The following GRID2 variants were observed in gnomAD, a reference collection of about 807,000 sequenced individuals.
GRID2 encodes the protein glutamate ionotropic receptor delta type subunit 2.
Under a neutral mutation model 114.8 loss-of-function variants are expected in GRID2, and 33 were observed. That is an observed-to-expected ratio of 0.29 (90% CI 0.22 to 0.38). The LOEUF is 0.38. GRID2 is among the 10% of genes least tolerant of loss of function. GRID2 has a pLI of 1.00. For synonymous variants in GRID2, 505 were observed against 449.9 expected (o/e 1.12, Z -1.55); for missense variants, 1,184 against 1,257.7 (o/e 0.94, Z 0.89).
At chr4:92,413,025 T>A (rs1285207155) in intron 1 of GRID2, among the ~76,000 whole-genome samples, 1 of 152,244 alleles carries the variant, frequency 6.6e-6, no homozygotes, top group East Asian at 1.9e-4. Context: ...CATTGTACTG[T>A]ACTAAATTTC....
chr4:92,584,834 T>C (rs1225117441), intron 1 of GRID2, among the ~76,000 whole-genome samples: 1 of 152,036 alleles, frequency 6.6e-6, no homozygotes, highest in Non-Finnish European at 1.5e-5. Context: ...CAAGGACACC[T>C]AACCTCCTAC....
At chr4:92,433,843 A>T (rs940084702) in intron 1 of GRID2, among the ~76,000 whole-genome samples, 1 of 152,220 alleles carries the variant, frequency 6.6e-6, no homozygotes, top group Non-Finnish European at 1.5e-5. Flanking sequence ...ATCAGTAATT[A>T]GTTTGTCACC....
At chr4:92,552,815 C>G (rs1726662418) in intron 1 of GRID2, among the ~76,000 whole-genome samples, 1 of 152,118 alleles carries the variant, frequency 6.6e-6, no homozygotes, top group Non-Finnish European at 1.5e-5. Flanking sequence ...GAATAACAAG[C>G]AAAGCAAGTC....
intron 2 of GRID2, among the ~76,000 whole-genome samples, chr4:92,911,182 T>A (rs1046409624): frequency 3.3e-5 from 5 of 152,162 alleles, no homozygotes; most frequent in Middle Eastern, 3.4e-3. Context: ...GCTAACTAGA[T>A]GAAGTATTCA....
chr4:92,560,070 G>A (rs1293459120), intron 1 of GRID2, among the ~76,000 whole-genome samples: 1 of 152,120 alleles, frequency 6.6e-6, no homozygotes, highest in Non-Finnish European at 1.5e-5. Context: ...GATAGTTGAA[G>A]GAAATGACAT....
intron 1 of GRID2, among the ~76,000 whole-genome samples, chr4:92,438,820 C>G (rs943132576): frequency 1.3e-5 from 2 of 152,126 alleles, no homozygotes; most frequent in African/African-American, 4.8e-5. Context: ...TATTCTTTTA[C>G]CAATGTCCCC....
At chr4:93,756,191 T>G (rs1369091790) in intron 14 of GRID2, among the ~76,000 whole-genome samples, 1 of 152,220 alleles carries the variant, frequency 6.6e-6, no homozygotes, top group African/African-American at 2.4e-5. Flanking sequence ...CTTCTGGGTC[T>G]AAGATTAGTT....
intron 8 of GRID2, among the ~76,000 whole-genome samples, chr4:93,263,821 G>A (rs72872773): frequency 0.027 from 4,181 of 152,126 alleles, 204 homozygotes; most frequent in African/African-American, 0.095. Flanking sequence ...TTTATCCTTC[G>A]AAAGCAGGCT....
At chr4:93,328,384 A>T (rs1032828476) in intron 8 of GRID2, among the ~76,000 whole-genome samples, 1 of 152,106 alleles carries the variant, frequency 6.6e-6, no homozygotes, top group Non-Finnish European at 1.5e-5. Flanking sequence ...AGTCCATTTC[A>T]TCTGGGATAC....
intron 13 of GRID2, among the ~76,000 whole-genome samples, chr4:93,601,419 G>A (rs1237359860): frequency 1.3e-5 from 2 of 152,024 alleles, no homozygotes; most frequent in African/African-American, 2.4e-5. Context: ...CTATTCTTTA[G>A]GATTATTTCC....
chr4:92,751,737 T>A (rs1737464036), intron 2 of GRID2, among the ~76,000 whole-genome samples: 1 of 152,248 alleles, frequency 6.6e-6, no homozygotes, highest in Non-Finnish European at 1.5e-5. Context: ...TATACTGTAA[T>A]GATTTTTGAC....
intron 8 of GRID2, among the ~76,000 whole-genome samples, chr4:93,343,963 G>T (rs1759923814): frequency 6.6e-6 from 1 of 151,954 alleles, no homozygotes; most frequent in Non-Finnish European, 1.5e-5. Flanking sequence ...ATAACATCTT[G>T]CTTCATTATC....
At position 93,773,708 on chromosome 4, in the gene GRID2, A is replaced by T. The variant is rs1258881076; in HGVS notation, c.*1210A>T. 1 of 152,062 alleles carries T rather than the reference A, an allele frequency of 6.6e-6. No homozygotes were observed. Among genetic ancestry groups the T allele is most frequent in the African/African-American group, 2.4e-5 (1 of 41,410 alleles). 9.4% of individuals were successfully genotyped at this position (152,062 alleles called of 1,614,324 possible). ...ATAATGATATTTGGGGAGGGGTGGG[A>T]GCCCTTAAGAACTATTGATGTGGCC... is the stretch of plus-strand genomic sequence containing the variant. On this transcript the variant is annotated 3_prime_UTR_variant, in exon 16 of 16. Transcript: ENST00000282020.
At chr4:93,505,948 A>G (rs1466674907) in intron 12 of GRID2, among the ~76,000 whole-genome samples, 1 of 152,122 alleles carries the variant, frequency 6.6e-6, no homozygotes, top group Non-Finnish European at 1.5e-5. Flanking sequence ...CATCTGTATA[A>G]CACCATCATT....
In GRID2 at chr4:93,244,620, A is replaced by G. The variant is rs1747982191; in HGVS notation, c.1245+6130A>G. Among the ~76,000 whole-genome samples, 2 of 50,256 alleles carry G rather than the reference A, an allele frequency of 4.0e-5. 1 individual carries two copies. Among genetic ancestry groups the G allele is most frequent in the South Asian group, 9.1e-4 (2 of 2,190 alleles). 33.0% of individuals were successfully genotyped at this position (50,256 alleles called of 152,430 possible). ...TTATATATTAATTAATAGATTATAT[A>G]ATCTATTATATATTAATTAATAGAT... On this transcript the variant is annotated intron_variant, in intron 8 of 15. Transcript: ENST00000282020.
chr4:92,939,899 G>T (rs1461643806), intron 2 of GRID2, among the ~76,000 whole-genome samples: 1 of 146,814 alleles, frequency 6.8e-6, no homozygotes, highest in Non-Finnish European at 1.5e-5. Flanking sequence ...TATTTCTGAG[G>T]GCTCTCTTCT....
chr4:93,058,206 C>T (rs1350734400), intron 2 of GRID2, among the ~76,000 whole-genome samples: 1 of 151,042 alleles, frequency 6.6e-6, no homozygotes, highest in Non-Finnish European at 1.5e-5. Context: ...GATTTAACTT[C>T]ATCTTTTCTC....
chr4:92,786,393 T>C (rs746678405), intron 2 of GRID2, among the ~76,000 whole-genome samples: 1 of 151,942 alleles, frequency 6.6e-6, no homozygotes, highest in Non-Finnish European at 1.5e-5. Context: ...TTCATTCTAA[T>C]AGTTTTACAT....
intron 8 of GRID2, among the ~76,000 whole-genome samples, chr4:93,327,524 T>C (rs549039573): frequency 6.6e-6 from 1 of 152,268 alleles, no homozygotes; most frequent in East Asian, 1.9e-4. Context: ...TATACAAGAC[T>C]ATTGTATATA....
Sources: gnomAD v4.1 joint callset for allele counts (sites outside exome capture counted in the v4.1 genomes callset) on GRCh38, gnomAD v4.1.1 for gene constraint, MANE v1.5 for transcripts, NCBI Gene and HGNC (gene_info 2026-07-23, HGNC 2026-07-21) for gene names.